CEP250: variants seen among roughly 807,000 people sequenced by gnomAD.
CEP250 encodes the protein centrosome-associated protein CEP250.
Under a neutral mutation model 315.7 loss-of-function variants are expected in CEP250, and 242 were observed. The ratio of observed to expected loss-of-function variants is 0.77; its 90% CI spans 0.69 to 0.85. The LOEUF is 0.85. CEP250 is among the 40% of genes least tolerant of loss of function. The pLI is 0.00. For missense variants in CEP250, 2,515 were observed against 2,886.4 expected, an observed-to-expected ratio of 0.87 and a Z score of 2.95; for synonymous variants, 1,088 against 1,175.0, an observed-to-expected ratio of 0.93 and a Z score of 1.51.
rs2147171878 is a variant in CEP250 at position 35,504,362 on chromosome 20, C to G, written c.5993C>G (p.Thr1998Ser). The change falls in exon 30 of 35, where the codon ACT becomes AGT. Residue 1998 changes from threonine to serine, a missense_variant. Coordinates refer to ENST00000397527, the MANE Select transcript of CEP250 (RefSeq NM_007186.6). ...TTGAGCCGCAGTCTGGAGGCCAGCACTGCAACCCTGCAAGCCTCCCTGGAT... is the reference window on the plus strand; with the variant it reads ...TTGAGCCGCAGTCTGGAGGCCAGCAGTGCAACCCTGCAAGCCTCCCTGGAT... The part of the protein sequence containing the change: ...AELSRSLEAS[T>S]ATLQASLDAC... The G allele has an allele frequency of 6.3e-7, 1 of 1,597,938 alleles. No homozygotes were observed. The highest frequency in any genetic ancestry group is 1.7e-4 in the Middle Eastern group (1 of 6,040).
rs576607228 is a variant in CEP250, at chr20:35,485,829, T to G, written c.2587-4808T>G. On this transcript the variant is annotated intron_variant, in intron 20 of 34. Transcript: ENST00000397527. ...ACCACCATGCCTGGCTAAGTTTTTT[T>G]TTTTTTTTTTTTTATAGAGATGGGG... Among the ~76,000 whole-genome samples, 42 of 147,068 alleles carry G rather than the reference T, an allele frequency of 2.9e-4. No individual in the cohort carries two copies. The East Asian group carries it at 5.0e-3, about 17-fold the overall frequency.
In CEP250 at chr20:35,512,511, G is replaced by A. The variant is rs1011993709; in HGVS notation, c.*885G>A. 6.6e-6 allele frequency: 1 copy of A among 152,128 alleles called. No homozygotes were observed. The highest frequency in any genetic ancestry group is 2.4e-5 in the African/African-American group (1 of 41,412). 9.4% of individuals were successfully genotyped at this position (152,128 alleles called of 1,614,324 possible). A position where few individuals can be genotyped will look rare whatever the true frequency, so the allele number is the denominator to read the frequency against. On this transcript the variant is annotated 3_prime_UTR_variant, in exon 35 of 35. Coordinates refer to ENST00000397527, the MANE Select transcript of CEP250 (RefSeq NM_007186.6). ...TACTCTGGGTGAATGTCCTTGAGAT[G>A]TCGCTTCCTGGGCATATCAGCTGGA...
chr20:35,485,147 C>T lies in CEP250; in HGVS notation c.2586+5002C>T, dbSNP rs1245566428. On this transcript the variant is annotated intron_variant, in intron 20 of 34. Coordinates refer to ENST00000397527, the MANE Select transcript of CEP250 (RefSeq NM_007186.6). ...CAGCACTTTGGGAGGCCTAGGTGGC[C>T]GGATCACCTGAAGTCAGGAGTTCAA... 4.0e-5 allele frequency among the ~76,000 whole-genome samples: 6 copies of T among 151,660 alleles called. No individual in the cohort carries two copies. The East Asian group carries it at 5.8e-4, about 15-fold the overall frequency.
Position 35,501,828 on chromosome 20 carries a change from C to T in CEP250, c.3899-17C>T. ...CTTACTCCACTACCTCTCCTCTCCT[C>T]TCCTCTCTTCTCAAAGAGAAATCTA... On this transcript the variant is annotated splice_polypyrimidine_tract_variant and intron_variant, in intron 28 of 34. Coordinates refer to ENST00000397527, the MANE Select transcript of CEP250 (RefSeq NM_007186.6). 1 of 1,417,566 alleles carries T rather than the reference C, an allele frequency of 7.1e-7. No homozygotes were observed. The highest frequency in any genetic ancestry group is 1.8e-4 in the Middle Eastern group (1 of 5,654). The allele number at this position is 1,417,566 out of a possible 1,614,324, so 87.8% of individuals were successfully genotyped here.
intron 17 of CEP250, 50 bp from the exon 18 acceptor site, chr20:35,479,181 C>G (rs2076948544): frequency 1.3e-6 from 2 of 1,572,506 alleles, no homozygotes; most frequent in African/African-American, 2.7e-5. Context: ...GGTAGCGGCC[C>G]CAGGGGAATC....
In CEP250 at chr20:35,479,684, C is replaced by T. The variant is rs769719667; in HGVS notation, c.2327C>T (p.Ala776Val). 3 of 1,614,160 alleles carry T rather than the reference C, an allele frequency of 1.9e-6. No individual in the cohort carries two copies. The highest frequency in any genetic ancestry group is 2.5e-6 in the Non-Finnish European group (3 of 1,180,030). ...CTACTGGAGAGCAGTCTGTTTGAAG[C>T]CCAACAACAAAATTCTGTGATAGAG... ...KELLESSLFEAQQQNSVIEVT... is the reference protein window; with the variant it reads ...KELLESSLFEVQQQNSVIEVT... Residue 776 changes from alanine to valine, a missense_variant, in exon 19 of 35, where the codon GCC becomes GTC. By Grantham distance (64) the Ala-to-Val change is moderately conservative. Transcript: ENST00000397527.
chr20:35,506,731 C>T (rs2064195530), intron 30 of CEP250, among the ~76,000 whole-genome samples: 1 of 152,176 alleles, frequency 6.6e-6, no homozygotes, highest in Non-Finnish European at 1.5e-5. Context: ...GGCTTATCAG[C>T]TGTGTAACCC....
Position 35,491,248 on chromosome 20 carries a change from C to A in CEP250, c.2791C>A (p.Leu931Met), listed in dbSNP as rs2063682639. Reference protein sequence around the residue: ...LETEKERVSLLETLLQTQKEL... With the variant: ...LETEKERVSLMETLLQTQKEL... The stretch of plus-strand genomic sequence containing the variant: ...AACAGAGAAGGAGAGAGTATCCCTC[C>A]TGGAGACACTGCTGCAGACGCAGAA... The change falls in exon 22 of 35, where the codon CTG (leucine) becomes ATG (methionine). Residue 931 changes from leucine to methionine, a missense_variant. Leu to Met is a conservative substitution (Grantham distance 15). Transcript: ENST00000397527. 1 of 1,610,142 alleles carries A rather than the reference C, an allele frequency of 6.2e-7. No homozygotes were observed. Among genetic ancestry groups the A allele is most frequent in the Non-Finnish European group, 8.5e-7 (1 of 1,178,178 alleles).
chr20:35,492,031 C>T (rs1288060688), intron 22 of CEP250, among the ~76,000 whole-genome samples: 1 of 150,948 alleles, frequency 6.6e-6, no homozygotes, highest in Admixed American at 6.6e-5. Context: ...GAGATTATTA[C>T]AGTTTGTGAT....
chr20:35,457,357 T>C (rs766391125), intron 1 of CEP250, among the ~76,000 whole-genome samples: 85 of 152,140 alleles, frequency 5.6e-4, no homozygotes, highest in Admixed American at 3.3e-3. Flanking sequence ...TAGTGTTATG[T>C]GGAGAGGTGA....
Position 35,463,575 on chromosome 20 carries a change from G to T in CEP250, c.187G>T (p.Val63Leu). Residue 63 changes from valine (V) to leucine (L), a missense_variant and splice_region_variant, in exon 5 of 35, where the codon GTG becomes TTG. Transcript: ENST00000397527. ...ATLVRKLQAK[V>L]LQYRSWCQEL... The stretch of plus-strand genomic sequence containing the variant: ...CCAGGGCCTGTTCTTTTTGCTGCAG[G>T]TGCTGCAGTACCGAAGCTGGTGCCA... The T allele has an allele frequency of 6.2e-7, 1 of 1,607,428 alleles. No individual in the cohort carries two copies. The highest frequency in any genetic ancestry group is 8.5e-7 in the Non-Finnish European group (1 of 1,177,048).
In CEP250 at chr20:35,462,417, A is replaced by AGCTGGTACTGGAAGAGCAGGT. The variant is rs1427098577; in HGVS notation, c.56_76dup (p.Val19_Leu25dup). 1 of 1,600,944 alleles carries AGCTGGTACTGGAAGAGCAGGT rather than the reference A, an allele frequency of 6.2e-7. No homozygotes were observed. Among genetic ancestry groups the AGCTGGTACTGGAAGAGCAGGT allele is most frequent in the East Asian group, 2.3e-5 (1 of 44,334 alleles). On this transcript the variant is annotated inframe_insertion, in exon 4 of 35. Transcript: ENST00000397527. ...AACAACATGAAGCCCCAGTCACTGC[A>AGCTGGTACTGGAAGAGCAGGT]GCTGGTACTGGAAGAGCAGGTGCTG... is the stretch of plus-strand genomic sequence containing the variant.
intron 33 of CEP250, 111 bp downstream of exon 33, chr20:35,509,155 A>G: frequency 1.2e-6 from 1 of 839,476 alleles, no homozygotes; most frequent in Non-Finnish European, 1.9e-6. Context: ...TAGTCCAGAG[A>G]GCCCCTCCTG....
At chr20:35,474,833 A>G (rs1298647078) in intron 14 of CEP250, 2 of 471,104 alleles carry the variant, frequency 4.2e-6, no homozygotes, top group Non-Finnish European at 8.8e-6. Flanking sequence ...GGAAAACGCC[A>G]GCATAGAACC....
At position 35,491,247 on chromosome 20, in the gene CEP250, C is replaced by T. The variant is rs1188936948; in HGVS notation, c.2790C>T (p.Leu930=). 1.9e-6 allele frequency: 3 copies of T among 1,610,324 alleles called. No individual in the cohort carries two copies. The highest frequency in any genetic ancestry group is 2.5e-6 in the Non-Finnish European group (3 of 1,178,356). The change falls in exon 22 of 35, where the codon CTC becomes CTT. Residue 930 remains leucine, a synonymous_variant. Coordinates refer to ENST00000397527, the MANE Select transcript of CEP250 (RefSeq NM_007186.6). ...AAACAGAGAAGGAGAGAGTATCCCT[C>T]CTGGAGACACTGCTGCAGACGCAGA... ...QLETEKERVS[L]LETLLQTQKE...
rs780500723 is a variant in CEP250 at position 35,511,607 on chromosome 20, C to T, written c.7310C>T (p.Thr2437Ile). 5.6e-6 allele frequency: 9 copies of T among 1,610,192 alleles called. No individual in the cohort carries two copies. The Admixed American group carries it at 6.7e-5, about 12-fold the overall frequency. ...PVLLHPSPST[T>I]QAASR ...CTGCTACACCCCAGCCCCAGCACTA[C>T]CCAAGCCGCCTCCAGGTAGCAGCCA... Residue 2437 changes from threonine to isoleucine, a missense_variant, in exon 35 of 35, where the codon ACC becomes ATC. Thr to Ile is a moderately conservative substitution (Grantham distance 89, BLOSUM62 -1). Coordinates refer to ENST00000397527, the MANE Select transcript of CEP250 (RefSeq NM_007186.6).
intron 9 of CEP250, among the ~76,000 whole-genome samples, chr20:35,468,035 C>G (rs2062934307): frequency 6.7e-6 from 1 of 150,276 alleles, no homozygotes; most frequent in Non-Finnish European, 1.5e-5. Flanking sequence ...ACCTCTGCCT[C>G]CTGGGTTCAA....
At chr20:35,462,605 G>T in intron 4 of CEP250, 52 bp downstream of exon 4, 2 of 1,474,424 alleles carry the variant, frequency 1.4e-6, no homozygotes, top group East Asian at 2.5e-5. Context: ...CCCAGAGCTA[G>T]GTGCTGAGGT....
intron 30 of CEP250, among the ~76,000 whole-genome samples, 164 bp from the exon 31 acceptor site, chr20:35,507,574 C>T (rs1490100297): frequency 6.6e-6 from 1 of 151,686 alleles, no homozygotes; most frequent in African/African-American, 2.4e-5. Flanking sequence ...CTTTGTTTTA[C>T]CTATCTGTAA....
Sources: allele counts gnomAD v4.1 joint callset (sites outside exome capture counted in the v4.1 genomes callset), GRCh38; gene constraint gnomAD v4.1.1; transcripts MANE v1.5; gene names NCBI Gene and HGNC (gene_info 2026-07-23, HGNC 2026-07-21).